Variants in DNAH9 observed in about 807,000 individuals in gnomAD.
DNAH9 encodes the protein dynein axonemal heavy chain 9.
Under a neutral mutation model 471.6 loss-of-function variants are expected in DNAH9, and 345 were observed. The ratio of observed to expected loss-of-function variants is 0.73; its 90% CI spans 0.67 to 0.80. The LOEUF (loss-of-function observed/expected upper bound fraction) is 0.80, where lower values mean the gene tolerates loss of function less well. DNAH9 is among the 30% of genes least tolerant of loss of function. The pLI, the probability that DNAH9 is intolerant of heterozygous loss-of-function variation, is 0.00. For synonymous variants in DNAH9, 2,093 were observed against 2,123.6 expected (o/e 0.99, Z 0.40); for missense variants, 5,407 against 5,609.2 (o/e 0.96, Z 1.15).
intron 58 of DNAH9, among the ~76,000 whole-genome samples, chr17:11,893,281 C>T (rs62061962): frequency 0.025 from 3,743 of 151,982 alleles, 68 homozygotes; most frequent in Non-Finnish European, 0.038. Flanking sequence ...ACTAATTCCC[C>T]TATCAAGCCT....
In DNAH9 at chr17:11,962,227, T is replaced by G. The variant is rs1475178669; in HGVS notation, c.13204T>G (p.Phe4402Val). The stretch of plus-strand genomic sequence containing the variant: ...GGAAGGGGCCTACATCCATGGCCTC[T>G]TCATGGAAGGTGCCTGCTGGGACAC... ...PREGAYIHGL[F>V]MEGACWDTQA... The change falls in exon 68 of 69, where the codon TTC (phenylalanine) becomes GTC (valine). Residue 4402 changes from phenylalanine to valine, a missense_variant. By Grantham distance (50) the Phe-to-Val change is conservative (BLOSUM62 -1). This residue lies in a region of DNAH9 where 4,636 missense variants were observed against 4,900.3 expected (regional missense o/e 0.95). Coordinates refer to ENST00000262442, the MANE Select transcript of DNAH9 (RefSeq NM_001372.4). This position sits in a 1 kb window ranked among gnomAD's most constrained non-coding sequence, Gnocchi z 4.1. The G allele has an allele frequency of 6.2e-7, 1 of 1,610,708 alleles. No individual in the cohort carries two copies. The highest frequency in any genetic ancestry group is 1.3e-5 in the African/African-American group (1 of 74,844).
intron 14 of DNAH9, among the ~76,000 whole-genome samples, chr17:11,664,618 A>G (rs1266113493): frequency 1.3e-5 from 2 of 152,208 alleles, no homozygotes; most frequent in Admixed American, 1.3e-4. Flanking sequence ...CCTCAGGGAC[A>G]GGTTGTCCCC....
intron 50 of DNAH9, among the ~76,000 whole-genome samples, chr17:11,856,074 C>T (rs72815412): frequency 8.5e-4 from 130 of 152,256 alleles, no homozygotes; most frequent in South Asian, 5.8e-3. Flanking sequence ...ACTGTGTGAG[C>T]GTGACTATAA....
intron 39 of DNAH9, among the ~76,000 whole-genome samples, chr17:11,781,848 C>CAAA (rs1393158154): frequency 8.2e-6 from 1 of 122,290 alleles, no homozygotes; most frequent in South Asian, 2.8e-4. Flanking sequence ...AAAAAACAAA[C>CAAA]AAAAAAAAAA....
chr17:11,829,344 C>G (rs1388903371), intron 48 of DNAH9, among the ~76,000 whole-genome samples: 1 of 151,928 alleles, frequency 6.6e-6, no homozygotes, highest in Non-Finnish European at 1.5e-5. Flanking sequence ...ATAGCCTTAG[C>G]TCAGATAAAA....
At chr17:11,868,986 G>T in intron 50 of DNAH9, 148 bp from the exon 51 acceptor site, 2 of 937,970 alleles carry the variant, frequency 2.1e-6, no homozygotes, top group Non-Finnish European at 3.1e-6. Flanking sequence ...CTTTCATTTC[G>T]TTCTCTGCCC....
intron 37 of DNAH9, 30 bp downstream of exon 37, chr17:11,768,656 C>T (rs761145732): frequency 1.4e-5 from 22 of 1,603,086 alleles, no homozygotes; most frequent in East Asian, 2.2e-5. Flanking sequence ...CGAGGACGTG[C>T]GTGCAGTTGC....
At chr17:11,781,269 G>A (rs1378316877) in intron 39 of DNAH9, 95 bp downstream of exon 39, 4 of 1,328,380 alleles carry the variant, frequency 3.0e-6, no homozygotes, top group Non-Finnish European at 4.1e-6. Context: ...GCAAACCTCA[G>A]CATAGCTCTG....
rs377129425 is a variant in DNAH9 at position 11,932,218 on chromosome 17, G to A, written c.12297+13G>A. ...GGCCAACGCAAAGGTAAAGGCCATGGACATTCAGGGACCAGCCAGGTTGGG... is the reference window on the plus strand; with the variant it reads ...GGCCAACGCAAAGGTAAAGGCCATGAACATTCAGGGACCAGCCAGGTTGGG... On this transcript the variant is annotated intron_variant, in intron 64 of 68. Coordinates refer to ENST00000262442, the MANE Select transcript of DNAH9 (RefSeq NM_001372.4). The surrounding 1 kb of genome is among the most constrained non-coding windows in gnomAD (Gnocchi z 4.3). 79 of 1,608,594 alleles carry A rather than the reference G, an allele frequency of 4.9e-5. No homozygotes were observed. The African/African-American group carries it at 1.0e-3, about 21-fold the overall frequency.
intron 26 of DNAH9, among the ~76,000 whole-genome samples, chr17:11,716,370 C>T (rs2074963269): frequency 6.6e-6 from 1 of 152,060 alleles, no homozygotes; most frequent in Admixed American, 6.5e-5. Context: ...CGTGAGCCAC[C>T]GTGCCCGGCC....
chr17:11,788,642 T>C (rs989731072), intron 41 of DNAH9, among the ~76,000 whole-genome samples: 11 of 152,108 alleles, frequency 7.2e-5, no homozygotes, highest in Non-Finnish European at 1.5e-4. Context: ...CAGTATTATA[T>C]GTGTATCTCT....
intron 36 of DNAH9, among the ~76,000 whole-genome samples, chr17:11,765,248 G>A (rs1810411072): frequency 6.6e-6 from 1 of 152,132 alleles, no homozygotes; most frequent in South Asian, 2.1e-4. Context: ...ATTCAGTTCT[G>A]TAGCACGTAT....
chr17:11,651,376 A>G (rs1183928049), intron 13 of DNAH9, 52 bp downstream of exon 13: 3 of 1,550,352 alleles, frequency 1.9e-6, no homozygotes, highest in South Asian at 1.2e-5. Flanking sequence ...TCGAGGATCT[A>G]ATAAAGTTCA....
rs560771062 is a variant in DNAH9 at position 11,773,297 on chromosome 17, AT to A, written c.7552+3969del. On this transcript the variant is annotated intron_variant, in intron 38 of 68. Transcript: ENST00000262442. ...AAGGACAGTTAGAACACCCAGACAG[AT>A]GTGCAAATTTATGTTTATAATGTGT... is the stretch of plus-strand genomic sequence containing the variant. Among the ~76,000 whole-genome samples, 16 of 152,302 alleles carry A rather than the reference AT, an allele frequency of 1.1e-4. No homozygotes were observed. In the South Asian group the frequency reaches 3.1e-3, roughly 30 times the overall value.
In DNAH9 at chr17:11,942,355, T is replaced by A. The variant is rs1223609908; in HGVS notation, c.12713T>A (p.Ile4238Asn). The A allele has an allele frequency of 6.2e-7, 1 of 1,614,048 alleles. No homozygotes were observed. The highest frequency in any genetic ancestry group is 8.5e-7 in the Non-Finnish European group (1 of 1,180,038). ...GAGCGGGTGACAGACGAGTTTAACA[T>A]CCCAGAACTGATGGCCAAAGTGGAG... ...ILERVTDEFNIPELMAKVEER... is the reference protein window; with the variant it reads ...ILERVTDEFNNPELMAKVEER... The change falls in exon 67 of 69, where the codon ATC becomes AAC. Residue 4238 changes from isoleucine (I) to asparagine (N), a missense_variant. Ile to Asn is a moderately radical substitution (Grantham distance 149). Around this residue, in one of 3 missense-constraint regions of DNAH9, gnomAD observed 4,636 missense variants for 4,900.3 expected, o/e 0.95. Coordinates refer to ENST00000262442, the MANE Select transcript of DNAH9 (RefSeq NM_001372.4).
At chr17:11,828,079 TAC>T (rs1970562209) in intron 48 of DNAH9, among the ~76,000 whole-genome samples, 1 of 152,338 alleles carries the variant, frequency 6.6e-6, no homozygotes, top group African/African-American at 2.4e-5. Context: ...GGATATCTTT[TAC>T]CTTCATAGCC....
chr17:11,969,158 T>G, intron 68 of DNAH9, 142 bp from the exon 69 acceptor site: 1 of 671,182 alleles, frequency 1.5e-6, no homozygotes, highest in Non-Finnish European at 2.6e-6. Context: ...CAAAGGCTGC[T>G]GAGAAAACCT....
intron 17 of DNAH9, among the ~76,000 whole-genome samples, chr17:11,671,203 A>G (rs1006410731): frequency 1.3e-5 from 2 of 152,220 alleles, no homozygotes; most frequent in African/African-American, 4.8e-5. Flanking sequence ...AAGGATAAGC[A>G]GCATGTTTCA....
intron 26 of DNAH9, among the ~76,000 whole-genome samples, chr17:11,708,984 T>G (rs1222813446): frequency 1.3e-5 from 2 of 152,148 alleles, no homozygotes; most frequent in Non-Finnish European, 2.9e-5. Context: ...TGCCCGGCCT[T>G]CAGAATATTT....
Sources: gnomAD v4.1 joint callset for allele counts (sites outside exome capture counted in the v4.1 genomes callset) on GRCh38, gnomAD v4.1.1 for gene constraint, gnomAD v4.1.1 regional missense constraint, Gnocchi (gnomAD v3.1) non-coding constraint, MANE v1.5 for transcripts, NCBI Gene and HGNC (gene_info 2026-07-23, HGNC 2026-07-21) for gene names.